CFAP95: variants seen among roughly 807,000 people sequenced by gnomAD.
CFAP95 encodes cilia- and flagella-associated protein 95.
the CFAP95 span, among the ~76,000 whole-genome samples, chr9:69,870,758 A>C: frequency 3.3e-5 from 5 of 152,206 alleles, no homozygotes; most frequent in African/African-American, 1.2e-4. Context: ...ATGCCACAAC[A>C]CATTAGGGGT....
At chr9:69,854,397 C>T in the CFAP95 span, among the ~76,000 whole-genome samples, 1 of 152,168 alleles carries the variant, frequency 6.6e-6, no homozygotes. Context: ...AGTTTGTTTA[C>T]AAATCTAGTT....
chr9:69,890,584 C>T, the CFAP95 span, among the ~76,000 whole-genome samples: 1 of 152,218 alleles, frequency 6.6e-6, no homozygotes, highest in African/African-American at 2.4e-5. Context: ...GCATATAATT[C>T]ACACATACTG....
chr9:69,886,954 C>T, the CFAP95 span: 1 of 1,323,166 alleles, frequency 7.6e-7, no homozygotes, highest in South Asian at 1.2e-5. Flanking sequence ...TTATTTGCAC[C>T]TAGTATAGTC....
At chr9:69,836,743 A>G in the CFAP95 span, among the ~76,000 whole-genome samples, 26,263 of 94,128 alleles carry the variant, frequency 0.28, 2,506 homozygotes, top group East Asian at 0.42. Flanking sequence ...ATTTTTTATT[A>G]TTATACTTTA....
the CFAP95 span, among the ~76,000 whole-genome samples, chr9:69,829,074 A>G: frequency 6.6e-6 from 1 of 152,156 alleles, no homozygotes; most frequent in Non-Finnish European, 1.5e-5. Flanking sequence ...TGTTATTCAC[A>G]TTCATTTGGT....
the CFAP95 span, among the ~76,000 whole-genome samples, chr9:69,894,924 C>T: frequency 6.6e-6 from 1 of 151,350 alleles, no homozygotes; most frequent in Non-Finnish European, 1.5e-5. Flanking sequence ...TTAGTTGGGC[C>T]TGGTGGCAGT....
the CFAP95 span, among the ~76,000 whole-genome samples, chr9:69,870,546 C>T: frequency 2.0e-5 from 3 of 152,210 alleles, no homozygotes; most frequent in South Asian, 4.1e-4. Flanking sequence ...GGTTGCTATA[C>T]CTCCAATCCC....
the CFAP95 span, among the ~76,000 whole-genome samples, chr9:69,902,699 T>G: frequency 1.3e-5 from 2 of 152,082 alleles, no homozygotes; most frequent in Non-Finnish European, 2.9e-5. Context: ...TTCTATTCTA[T>G]TTCATGCTTT....
At chr9:69,864,396 ACC>A in the CFAP95 span, among the ~76,000 whole-genome samples, 7 of 151,884 alleles carry the variant, frequency 4.6e-5, no homozygotes. Flanking sequence ...AGGATAGGAA[ACC>A]TGGGTTCTAC....
chr9:69,851,792 C>T, the CFAP95 span, among the ~76,000 whole-genome samples: 1 of 151,400 alleles, frequency 6.6e-6, no homozygotes, highest in African/African-American at 2.4e-5. Flanking sequence ...TGCTTGAGCC[C>T]ATGAGTTTGA....
the CFAP95 span, among the ~76,000 whole-genome samples, chr9:69,886,313 T>C: frequency 1.3e-5 from 2 of 152,056 alleles, no homozygotes; most frequent in African/African-American, 4.8e-5. Flanking sequence ...TGCTTAAAGA[T>C]GAAAGTTCTC....
the CFAP95 span, among the ~76,000 whole-genome samples, chr9:69,846,771 A>T: frequency 6.6e-6 from 1 of 152,224 alleles, no homozygotes. Context: ...GAGATTTGGT[A>T]AAGGCCTAAA....
chr9:69,841,197 T>TATATATATATATATATATATATATATG, the CFAP95 span, among the ~76,000 whole-genome samples: 1 of 131,520 alleles, frequency 7.6e-6, no homozygotes, highest in Non-Finnish European at 1.6e-5. Context: ...TATATATATA[T>TATATATATATATATATATATATATATG]TTCTGATTTA....
chr9:69,828,847 T>G, the CFAP95 span, among the ~76,000 whole-genome samples: 2 of 152,232 alleles, frequency 1.3e-5, no homozygotes, highest in Admixed American at 1.3e-4. Context: ...TTTTCCATAA[T>G]GAACATGTAT....
At chr9:69,870,217 C>T in the CFAP95 span, among the ~76,000 whole-genome samples, 1 of 152,056 alleles carries the variant, frequency 6.6e-6, no homozygotes, top group African/African-American at 2.4e-5. Context: ...TGACTGCATA[C>T]TATTTACTAA....
chr9:69,828,926 T>C, the CFAP95 span, among the ~76,000 whole-genome samples: 144,508 of 152,308 alleles, frequency 0.95, 68,777 homozygotes, highest in East Asian at 1. Context: ...TTTCCCTGGA[T>C]GCAAGCATTC....
the CFAP95 span, among the ~76,000 whole-genome samples, chr9:69,829,797 T>C: frequency 6.6e-6 from 1 of 152,232 alleles, no homozygotes; most frequent in Non-Finnish European, 1.5e-5. Context: ...AAGCCCAGAC[T>C]TGGGGCTCAG....
the CFAP95 span, among the ~76,000 whole-genome samples, chr9:69,850,401 G>A: frequency 4.6e-5 from 7 of 152,116 alleles, no homozygotes; most frequent in Non-Finnish European, 1.0e-4. Context: ...TAGTACAAAA[G>A]TATATTAGCA....
the CFAP95 span, among the ~76,000 whole-genome samples, chr9:69,827,496 A>T: frequency 6.6e-6 from 1 of 152,220 alleles, no homozygotes; most frequent in Non-Finnish European, 1.5e-5. Context: ...CTCGTTCAGA[A>T]CAGTGCCCAC....
Sources: allele counts gnomAD v4.1 joint callset (sites outside exome capture counted in the v4.1 genomes callset), GRCh38; gene constraint gnomAD v4.1.1; transcripts MANE v1.5; gene names NCBI Gene and HGNC (gene_info 2026-07-23, HGNC 2026-07-21).